The following SLC11A2 variants were observed in gnomAD, a reference collection of about 807,000 sequenced individuals.
SLC11A2 encodes the protein solute carrier family 11 member 2, also known as natural resistance-associated macrophage protein 2.
A neutral mutation model predicts 68.0 loss-of-function variants in SLC11A2; 38 were observed. The observed-to-expected ratio is 0.56, with a 90% CI of 0.43 to 0.73. The LOEUF (loss-of-function observed/expected upper bound fraction) is 0.73, where lower values mean the gene tolerates loss of function less well. SLC11A2 is among the 30% of genes least tolerant of loss of function. The probability of loss-of-function intolerance (pLI) is 0.00; values close to 1 mark genes in which losing one functional copy is unlikely to be tolerated. For synonymous variants in SLC11A2, 242 were observed against 250.6 expected, an observed-to-expected ratio of 0.97 and a Z score of 0.32; for missense variants, 517 against 690.5, an observed-to-expected ratio of 0.75 and a Z score of 2.82.
In SLC11A2 at chr12:50,988,355, T is replaced by C. The variant is rs1330977679; in HGVS notation, c.1656A>G (p.Thr552=). ...HTVSISKGLL[T]EEATRGYVK is the part of the protein sequence containing the mutation. ...TAACGTAGCCACGGGTGGCTTCTTC[T>C]GTCAGCAGGCCTTTAGAGATGCTTA... Residue 552 remains threonine (T), a synonymous_variant, in exon 16 of 16, where the codon ACA becomes ACG. Coordinates refer to ENST00000262052, the MANE Select transcript of SLC11A2 (RefSeq NM_000617.3). 1.9e-6 allele frequency: 3 copies of C among 1,614,108 alleles called. No individual in the cohort carries two copies. Among genetic ancestry groups the C allele is most frequent in the Non-Finnish European group, 1.7e-6 (2 of 1,179,934 alleles).
chr12:50,953,459 T>C, the SLC11A2 span, among the ~76,000 whole-genome samples: 2 of 152,334 alleles, frequency 1.3e-5, no homozygotes, highest in Admixed American at 6.5e-5. Context: ...AAGGAATCCA[T>C]TGTCTAGCAT....
chr12:50,985,362 A>T (rs1592297732), downstream of SLC11A2, among the ~76,000 whole-genome samples: 2 of 152,344 alleles, frequency 1.3e-5, no homozygotes, highest in Non-Finnish European at 2.9e-5. Context: ...TTCTTCCTAG[A>T]TGAATTCCAC....
downstream of SLC11A2, among the ~76,000 whole-genome samples, chr12:50,974,854 AAC>A (rs1939828459): frequency 1.3e-5 from 2 of 152,218 alleles, no homozygotes; most frequent in Non-Finnish European, 2.9e-5. Context: ...TCTCTGATAA[AAC>A]AGACTTTAAA....
chr12:50,973,268 G>A, the SLC11A2 span, among the ~76,000 whole-genome samples: 4 of 152,142 alleles, frequency 2.6e-5, no homozygotes, highest in Non-Finnish European at 1.5e-5. Flanking sequence ...CACCTCACAC[G>A]GCCGGGTATC....
chr12:50,986,981 C>A lies in SLC11A2; in HGVS notation c.*1344G>T, dbSNP rs138011955. 3.9e-6 allele frequency: 5 copies of A among 1,286,666 alleles called. No individual in the cohort carries two copies. The highest frequency in any genetic ancestry group is 6.5e-4 in the Middle Eastern group (2 of 3,062). The allele number at this position is 1,286,666 out of a possible 1,614,324, so 79.7% of individuals were successfully genotyped here. On this transcript the variant is annotated 3_prime_UTR_variant, in exon 16 of 16. Transcript: ENST00000262052. Reference sequence around the variant, plus strand: ...ACACCATTTTCCATTACTGTTCTCACCAAATCAATGACTATAAAACAGTTT... The same window carrying A: ...ACACCATTTTCCATTACTGTTCTCAACAAATCAATGACTATAAAACAGTTT...
chr12:51,008,792 A>G (rs1215702754), intron 2 of SLC11A2, among the ~76,000 whole-genome samples, 168 bp from the exon 3 acceptor site: 3 of 152,190 alleles, frequency 2.0e-5, no homozygotes, highest in Non-Finnish European at 4.4e-5. Context: ...ACATTTTAGA[A>G]TAAGTAATAC....
At position 51,008,477 on chromosome 12, in the gene SLC11A2, T is replaced by A; in HGVS notation, c.182A>T (p.Glu61Val). ...CTCCTCCAAGGACCTGATACTAACC[T>A]CCTCCTCAGGAATGGAGATCTTCTC... ...FNEKISIPEEEYSCFSFRKLW... is the reference protein window; with the variant it reads ...FNEKISIPEEVYSCFSFRKLW... The change falls in exon 3 of 16, where the codon GAG becomes GTG. Residue 61 changes from glutamate (E) to valine (V), a missense_variant and splice_region_variant. Transcript: ENST00000262052. The A allele has an allele frequency of 6.2e-7, 1 of 1,612,478 alleles. No individual in the cohort carries two copies. The highest frequency in any genetic ancestry group is 1.1e-5 in the South Asian group (1 of 91,042).
chr12:50,993,921 G>C (rs927205162), intron 11 of SLC11A2, among the ~76,000 whole-genome samples: 1 of 146,564 alleles, frequency 6.8e-6, no homozygotes, highest in African/African-American at 2.5e-5. Context: ...GGACCAGGTA[G>C]GTGGAGGCTG....
chr12:50,981,776 C>T, downstream of SLC11A2: 1 of 1,534,378 alleles, frequency 6.5e-7, no homozygotes, highest in East Asian at 2.4e-5. Context: ...AGATAGAGTT[C>T]AGGCTGAGCT....
chr12:50,992,593 A>G (rs1301730050), intron 12 of SLC11A2, among the ~76,000 whole-genome samples: 1 of 151,830 alleles, frequency 6.6e-6, no homozygotes, highest in Admixed American at 6.6e-5. Context: ...TTAGCCGAGT[A>G]TGGTGGCCAG....
the SLC11A2 span, among the ~76,000 whole-genome samples, chr12:50,952,412 G>A: frequency 1.3e-5 from 2 of 152,176 alleles, no homozygotes; most frequent in East Asian, 1.9e-4. Context: ...AACCATGAAC[G>A]CTACCTGATC....
downstream of SLC11A2, chr12:50,985,885 T>C (rs1940490780): frequency 9.5e-7 from 1 of 1,051,798 alleles, no homozygotes; most frequent in African/African-American, 1.7e-5. Context: ...GTGGACTTAG[T>C]GTGCCATTCC....
the SLC11A2 span, among the ~76,000 whole-genome samples, chr12:50,955,932 G>C: frequency 3.2e-4 from 49 of 152,272 alleles, no homozygotes; most frequent in African/African-American, 1.1e-3. Context: ...AAAGATAAAA[G>C]TGTTTCCAGC....
At chr12:50,963,318 C>A in the SLC11A2 span, among the ~76,000 whole-genome samples, 3 of 131,662 alleles carry the variant, frequency 2.3e-5, no homozygotes, top group Admixed American at 9.0e-5. Context: ...TGCAGTGAAC[C>A]AAAACCACGC....
chr12:51,026,086 T>G (rs1592472434), intron 1 of SLC11A2: 1 of 1,095,136 alleles, frequency 9.1e-7, no homozygotes, highest in South Asian at 2.2e-5. Flanking sequence ...GTTCCCTCCC[T>G]GCCCCCATCT....
Position 50,988,235 on chromosome 12 carries a change from AC to A in SLC11A2, c.*89del. The A allele has an allele frequency of 6.2e-7, 1 of 1,601,198 alleles. No individual in the cohort carries two copies. The highest frequency in any genetic ancestry group is 8.5e-7 in the Non-Finnish European group (1 of 1,173,788). ...TTGAGTCATAAACACAGTCTGTGCA[AC>A]GGCACATACTTTTGGCTATGTTCAC... is the stretch of plus-strand genomic sequence containing the variant. On this transcript the variant is annotated 3_prime_UTR_variant, in exon 16 of 16. Coordinates refer to ENST00000262052, the MANE Select transcript of SLC11A2 (RefSeq NM_000617.3).
downstream of SLC11A2, among the ~76,000 whole-genome samples, chr12:50,975,177 C>T (rs1939832686): frequency 6.6e-6 from 1 of 152,204 alleles, no homozygotes; most frequent in Admixed American, 6.5e-5. Flanking sequence ...CCCAAATCAA[C>T]AGAATATACA....
the SLC11A2 span, among the ~76,000 whole-genome samples, chr12:50,964,447 C>T: frequency 2.0e-5 from 3 of 152,168 alleles, no homozygotes; most frequent in Non-Finnish European, 4.4e-5. Context: ...CATGGGAGTA[C>T]CAAGAAGTGC....
intron 5 of SLC11A2, 34 bp downstream of exon 5, chr12:51,004,754 G>T: frequency 6.2e-7 from 1 of 1,611,020 alleles, no homozygotes; most frequent in South Asian, 1.1e-5. Context: ...CCTATGGCAT[G>T]GGTGAGAGAC....
Sources: gnomAD v4.1 joint callset for allele counts (sites outside exome capture counted in the v4.1 genomes callset) on GRCh38, gnomAD v4.1.1 for gene constraint, MANE v1.5 for transcripts, NCBI Gene and HGNC (gene_info 2026-07-23, HGNC 2026-07-21) for gene names.